Variants in EPHB1 observed in about 807,000 individuals in gnomAD.
The protein encoded by EPHB1 is EPH receptor B1.
EPHB1 carries 30 observed loss-of-function variants against 94.4 expected under a neutral mutation model. The observed-to-expected ratio is 0.32, with a 90% CI of 0.24 to 0.43. The LOEUF (loss-of-function observed/expected upper bound fraction) is 0.43, where lower values mean the gene tolerates loss of function less well. EPHB1 is among the 20% of genes least tolerant of loss of function. The pLI is 1.00. For synonymous variants in EPHB1, 522 were observed against 489.1 expected, an observed-to-expected ratio of 1.07 and a Z score of -0.89; for missense variants, 1,055 against 1,308.3, an observed-to-expected ratio of 0.81 and a Z score of 2.99.
In EPHB1 at chr3:134,811,254, T is replaced by TG. The variant is rs1228267316; in HGVS notation, c.58+15565_58+15566insG. 4.2e-3 allele frequency among the ~76,000 whole-genome samples: 550 copies of TG among 132,460 alleles called. 17 individuals carry two copies. Among genetic ancestry groups the TG allele is most frequent in the African/African-American group, 0.012 (445 of 37,922 alleles). The allele number at this position is 132,460 out of a possible 152,430, so 86.9% of individuals were successfully genotyped here. A position where few individuals can be genotyped will look rare whatever the true frequency, so the allele number is the denominator to read the frequency against. On this transcript the variant is annotated intron_variant, in intron 1 of 15. Coordinates refer to ENST00000398015, the MANE Select transcript of EPHB1 (RefSeq NM_004441.5). Reference sequence around the variant, plus strand: ...CCCTACTAAGAAGGTTTTTTTTTTTTTTTTTTTTTCTGTCTTGCTCTGTCC... The same window carrying TG: ...CCCTACTAAGAAGGTTTTTTTTTTTTGTTTTTTTTTCTGTCTTGCTCTGTCC...
intron 11 of EPHB1, among the ~76,000 whole-genome samples, chr3:135,196,985 G>A (rs775653197): frequency 3.5e-4 from 53 of 152,078 alleles, no homozygotes; most frequent in East Asian, 5.8e-4. Context: ...GGCTGGGCGC[G>A]GTGGCTCACG....
chr3:135,098,350 G>A (rs1938886991), intron 3 of EPHB1, among the ~76,000 whole-genome samples: 1 of 152,100 alleles, frequency 6.6e-6, no homozygotes, highest in Non-Finnish European at 1.5e-5. Context: ...GAGTGTGTGT[G>A]TGTGTGTGTG....
chr3:135,058,863 T>C (rs946052422), intron 3 of EPHB1, among the ~76,000 whole-genome samples: 1 of 152,212 alleles, frequency 6.6e-6, no homozygotes, highest in Admixed American at 6.5e-5. Flanking sequence ...CTTATTACGG[T>C]GTACTTTTTA....
At chr3:134,881,209 A>C (rs2037723617) in intron 1 of EPHB1, among the ~76,000 whole-genome samples, 1 of 152,132 alleles carries the variant, frequency 6.6e-6, no homozygotes, top group Non-Finnish European at 1.5e-5. Flanking sequence ...AGGAAACAGC[A>C]TCTCCTGGGA....
intron 2 of EPHB1, among the ~76,000 whole-genome samples, chr3:134,929,144 C>T (rs39702): frequency 0.59 from 89,197 of 151,916 alleles, 28,419 homozygotes; most frequent in African/African-American, 0.85. Context: ...TTGCCTTTCC[C>T]GGGGAAATGG....
intron 6 of EPHB1, among the ~76,000 whole-genome samples, chr3:135,160,748 C>T (rs189836821): frequency 7.2e-5 from 11 of 152,182 alleles, no homozygotes; most frequent in Non-Finnish European, 1.3e-4. Context: ...AGGTGTGATT[C>T]GGAATGACAG....
chr3:134,887,103 CA>C (rs2037877153), intron 1 of EPHB1, among the ~76,000 whole-genome samples: 1 of 152,118 alleles, frequency 6.6e-6, no homozygotes. Context: ...GTGGGTTGGC[CA>C]GGTCGTTTCT....
intron 1 of EPHB1, among the ~76,000 whole-genome samples, chr3:134,819,957 C>A (rs1331483559): frequency 6.6e-6 from 1 of 152,144 alleles, no homozygotes; most frequent in Non-Finnish European, 1.5e-5. Flanking sequence ...TGCTGTAACA[C>A]CTGATTCCAA....
In EPHB1 at chr3:135,179,900, C is replaced by T. The variant is rs1042787; in HGVS notation, c.1800C>T (p.Tyr600=). ...GMKIYIDPFT[Y]EDPNEAVREF... is the part of the protein sequence containing the mutation. The stretch of plus-strand genomic sequence containing the variant: ...AGATCTACATTGACCCCTTCACTTA[C>T]GAGGATCCCAACGAAGCTGTCCGGG... The change falls in exon 10 of 16, where the codon TAC becomes TAT. Residue 600 remains tyrosine, a synonymous_variant. Coordinates refer to ENST00000398015, the MANE Select transcript of EPHB1 (RefSeq NM_004441.5). The T allele has an allele frequency of 0.42, 683,253 of 1,613,340 alleles. 149,019 individuals are homozygous for T. The highest frequency in any genetic ancestry group is 0.72 in the East Asian group (32,130 of 44,856).
chr3:134,843,485 T>A (rs1467979686), intron 1 of EPHB1, among the ~76,000 whole-genome samples: 1 of 152,190 alleles, frequency 6.6e-6, no homozygotes, highest in African/African-American at 2.4e-5. Context: ...CCCTTTTCTC[T>A]TTCCTATCTG....
chr3:134,845,913 C>T lies in EPHB1; in HGVS notation c.58+50224C>T, dbSNP rs1323411411. 2.6e-5 allele frequency among the ~76,000 whole-genome samples: 4 copies of T among 152,294 alleles called. No homozygotes were observed. In the East Asian group the frequency reaches 7.7e-4, roughly 29 times the overall value. ...CTTGAACTACCCACACAATACCCCT[C>T]TGGCCCCTCTGCTTACACACACAGA... On this transcript the variant is annotated intron_variant, in intron 1 of 15. Coordinates refer to ENST00000398015, the MANE Select transcript of EPHB1 (RefSeq NM_004441.5).
chr3:134,911,466 G>C (rs72971603), intron 1 of EPHB1, among the ~76,000 whole-genome samples: 2 of 152,122 alleles, frequency 1.3e-5, no homozygotes, highest in Non-Finnish European at 2.9e-5. Context: ...GGATTTGGTG[G>C]GGTGGAGTCA....
rs182866691 is a variant in EPHB1, at chr3:135,063,226, G to T, written c.806-43222G>T. On this transcript the variant is annotated intron_variant, in intron 3 of 15. Coordinates refer to ENST00000398015, the MANE Select transcript of EPHB1 (RefSeq NM_004441.5). ...TGTTTTTTCTAATTCTGTGAAGAAT[G>T]TTGGAGGTATTTTGATGAGGATTGT... Among the ~76,000 whole-genome samples, 21 of 152,248 alleles carry T rather than the reference G, an allele frequency of 1.4e-4. No homozygotes were observed. The East Asian group carries it at 4.1e-3, about 29-fold the overall frequency.
intron 1 of EPHB1, among the ~76,000 whole-genome samples, chr3:134,923,598 C>G (rs2038732440): frequency 6.6e-6 from 1 of 152,184 alleles, no homozygotes; most frequent in South Asian, 2.1e-4. Context: ...GACAGGCTCT[C>G]AGCATTTCTC....
chr3:135,064,775 G>C (rs2107778747), intron 3 of EPHB1, among the ~76,000 whole-genome samples: 1 of 151,806 alleles, frequency 6.6e-6, no homozygotes, highest in African/African-American at 2.4e-5. Context: ...TATTTCTCTA[G>C]TTCTTTGAGG....
At chr3:135,154,430 T>C in intron 6 of EPHB1, 154 bp downstream of exon 6, 1 of 1,068,006 alleles carries the variant, frequency 9.4e-7, no homozygotes, top group Non-Finnish European at 1.3e-6. Context: ...TCTCCAGGTC[T>C]GCCCTGACAA....
intron 2 of EPHB1, among the ~76,000 whole-genome samples, chr3:134,928,567 G>A (rs1270857163): frequency 4.6e-5 from 7 of 152,226 alleles, no homozygotes; most frequent in African/African-American, 1.4e-4. Context: ...GAGGACACAG[G>A]AGGAGGAGTA....
intron 1 of EPHB1, among the ~76,000 whole-genome samples, chr3:134,858,866 C>A (rs2037183163): frequency 6.6e-6 from 1 of 152,210 alleles, no homozygotes; most frequent in Non-Finnish European, 1.5e-5. Context: ...TAGAGTCCCG[C>A]AGGGGCACTT....
intron 1 of EPHB1, among the ~76,000 whole-genome samples, chr3:134,825,593 C>T (rs572474745): frequency 1.3e-5 from 2 of 152,272 alleles, no homozygotes; most frequent in South Asian, 4.1e-4. Flanking sequence ...TCCATATGGT[C>T]CATTTCAGCA....
Sources: gnomAD v4.1 joint callset for allele counts (sites outside exome capture counted in the v4.1 genomes callset) on GRCh38, gnomAD v4.1.1 for gene constraint, MANE v1.5 for transcripts, NCBI Gene and HGNC (gene_info 2026-07-23, HGNC 2026-07-21) for gene names.